UGGT1: variants seen among roughly 807,000 people sequenced by gnomAD.
UGGT1 encodes UDP-glucose:glycoprotein glucosyltransferase 1.
UGGT1 carries 107 observed loss-of-function variants against 203.9 expected under a neutral mutation model. That is an observed-to-expected ratio of 0.52 (90% CI 0.45 to 0.62). UGGT1 has a LOEUF of 0.62. Among genes scored for constraint, UGGT1 ranks in the 20% least tolerant of loss-of-function variants. The pLI, the probability that UGGT1 is intolerant of heterozygous loss-of-function variation, is 0.00. For missense variants in UGGT1, 1,673 were observed against 1,867.2 expected, an observed-to-expected ratio of 0.90 and a Z score of 1.92; for synonymous variants, 628 against 653.5, an observed-to-expected ratio of 0.96 and a Z score of 0.59.
At chr2:128,182,630 C>T (rs1023299267) in intron 37 of UGGT1, among the ~76,000 whole-genome samples, 7 of 143,376 alleles carry the variant, frequency 4.9e-5, no homozygotes, top group Non-Finnish European at 1.0e-4. Flanking sequence ...ACCCAGGAGG[C>T]GGAGGTTGCA....
At chr2:128,148,161 A>G (rs1689780971) in intron 18 of UGGT1, among the ~76,000 whole-genome samples, 1 of 152,116 alleles carries the variant, frequency 6.6e-6, no homozygotes, top group Non-Finnish European at 1.5e-5. Flanking sequence ...TCCTGGGTTC[A>G]AGTGATTCTC....
chr2:128,108,017 A>G lies in UGGT1; in HGVS notation c.357A>G (p.Lys119=). The stretch of plus-strand genomic sequence containing the variant: ...CACCCCTCCAGCAGAATTTGTTTAA[A>G]TTTTGTCTGTCCCTTCGTTCTTACT... ...FLSPLQQNLF[K]FCLSLRSYSA... Residue 119 remains lysine (K), a synonymous_variant, in exon 4 of 41, where the codon AAA becomes AAG. Transcript: ENST00000259253. The G allele has an allele frequency of 1.9e-6, 3 of 1,614,096 alleles. No individual in the cohort carries two copies. Among genetic ancestry groups the G allele is most frequent in the Non-Finnish European group, 2.5e-6 (3 of 1,180,004 alleles).
intron 7 of UGGT1, 111 bp from the exon 8 acceptor site, chr2:128,116,154 G>T (rs1688090830): frequency 1.5e-6 from 1 of 650,088 alleles, no homozygotes; most frequent in Non-Finnish European, 2.6e-6. Flanking sequence ...AATTTCAGGG[G>T]TTTCTGATTT....
chr2:128,186,067 C>G (rs1691967230), intron 38 of UGGT1, among the ~76,000 whole-genome samples: 1 of 152,158 alleles, frequency 6.6e-6, no homozygotes, highest in African/African-American at 2.4e-5. Context: ...TTTCAGAAGT[C>G]AGTAGGAGTA....
rs184033200 is a variant in UGGT1, at chr2:128,137,432, G to C, written c.1584-1285G>C. On this transcript the variant is annotated intron_variant, in intron 15 of 40. Transcript: ENST00000259253. ...CCCTGTTGAAAAACAAACAAGAAGA[G>C]TTGCATATTTTGTTTACCTGTCCTT... 8.2e-4 allele frequency among the ~76,000 whole-genome samples: 125 copies of C among 152,294 alleles called. 3 individuals are homozygous for C. Among genetic ancestry groups the C allele is most frequent in the Admixed American group, 6.9e-3 (105 of 15,296 alleles).
Position 128,189,892 on chromosome 2 carries a change from G to C in UGGT1, c.*150G>C. On this transcript the variant is annotated 3_prime_UTR_variant, in exon 41 of 41. Transcript: ENST00000259253. The stretch of plus-strand genomic sequence containing the variant: ...TTCTGAGCATTTGATTCTGACTTCT[G>C]TACTCTGGTGGCCACTGGATCTTTG... 1.3e-6 allele frequency: 1 copy of C among 797,314 alleles called. No homozygotes were observed. The highest frequency in any genetic ancestry group is 1.9e-5 in the South Asian group (1 of 51,744). 49.4% of individuals were successfully genotyped at this position (797,314 alleles called of 1,614,324 possible).
chr2:128,163,020 A>G (rs540546710), intron 25 of UGGT1, among the ~76,000 whole-genome samples: 3 of 152,188 alleles, frequency 2.0e-5, no homozygotes, highest in African/African-American at 7.2e-5. Context: ...CACAGCTATC[A>G]TTCATGACCC....
At chr2:128,170,546 A>G (rs1428812641) in intron 27 of UGGT1, among the ~76,000 whole-genome samples, 156 bp downstream of exon 27, 1 of 152,244 alleles carries the variant, frequency 6.6e-6, no homozygotes, top group African/African-American at 2.4e-5. Context: ...AAAGATTGAC[A>G]GTGGCTGTGA....
At chr2:128,114,114 AT>A (rs1454457103) in intron 6 of UGGT1, among the ~76,000 whole-genome samples, 1 of 152,008 alleles carries the variant, frequency 6.6e-6, no homozygotes, top group African/African-American at 2.4e-5. Context: ...ATAAAATTTT[AT>A]TTATTGATTT....
chr2:128,166,378 G>A (rs1573605006), intron 26 of UGGT1, among the ~76,000 whole-genome samples: 1 of 152,192 alleles, frequency 6.6e-6, no homozygotes, highest in South Asian at 2.1e-4. Flanking sequence ...TAACATGTCT[G>A]ACGTTTTCCG....
chr2:128,115,061 C>A, intron 6 of UGGT1, 63 bp from the exon 7 acceptor site: 1 of 1,441,060 alleles, frequency 6.9e-7, no homozygotes, highest in Non-Finnish European at 9.8e-7. Flanking sequence ...CATGGTCATG[C>A]CATGTACACT....
chr2:128,157,692 C>T (rs539614320), intron 22 of UGGT1, among the ~76,000 whole-genome samples: 2 of 152,252 alleles, frequency 1.3e-5, no homozygotes, highest in East Asian at 1.9e-4. Flanking sequence ...GTCCTTACCA[C>T]GACAGAGGTC....
intron 9 of UGGT1, 40 bp from the exon 10 acceptor site, chr2:128,121,159 T>G: frequency 6.3e-7 from 1 of 1,591,820 alleles, no homozygotes; most frequent in South Asian, 1.1e-5. Context: ...CTCATTGCAT[T>G]AGATTAATCC....
rs758185709 is a variant in UGGT1 at position 128,181,092 on chromosome 2, G to GT, written c.4083+24dup. The GT allele has an allele frequency of 1.3e-6, 2 of 1,587,864 alleles. No homozygotes were observed. The highest frequency in any genetic ancestry group is 1.7e-6 in the Non-Finnish European group (2 of 1,165,942). On this transcript the variant is annotated intron_variant, in intron 36 of 40. Coordinates refer to ENST00000259253, the MANE Select transcript of UGGT1 (RefSeq NM_020120.4). ...GATCAGGTAGGCCCTTAAAGGCCAA[G>GT]TTTTGACAGTTTGTATTAAAAGCAA...
In UGGT1 at chr2:128,105,487, C is replaced by T. The variant is rs1049214506; in HGVS notation, c.277+1473C>T. Among the ~76,000 whole-genome samples, 11 of 145,434 alleles carry T rather than the reference C, an allele frequency of 7.6e-5. No homozygotes were observed. In the East Asian group the frequency reaches 1.2e-3, roughly 16 times the overall value. On this transcript the variant is annotated intron_variant, in intron 3 of 40. Transcript: ENST00000259253. ...AGTGACTGCACCCAGCTAGATTTTA[C>T]TTTATTTTATTTTATTTTATTTTAT... is the stretch of plus-strand genomic sequence containing the variant.
intron 6 of UGGT1, among the ~76,000 whole-genome samples, chr2:128,113,476 A>G (rs565031444): frequency 1.3e-5 from 2 of 152,366 alleles, no homozygotes; most frequent in South Asian, 4.1e-4. Flanking sequence ...GTAGCTCGAT[A>G]AAGTTTACAT....
intron 16 of UGGT1, among the ~76,000 whole-genome samples, 194 bp from the exon 17 acceptor site, chr2:128,142,900 G>A (rs547184132): frequency 6.6e-6 from 1 of 150,702 alleles, no homozygotes; most frequent in East Asian, 2.0e-4. Flanking sequence ...AGATTCACAC[G>A]AATCCGGAAG....
Position 128,126,396 on chromosome 2 carries a change from A to G in UGGT1, c.1135-965A>G, listed in dbSNP as rs1573535753. Among the ~76,000 whole-genome samples, 3 of 151,614 alleles carry G rather than the reference A, an allele frequency of 2.0e-5. No homozygotes were observed. In the East Asian group the frequency reaches 5.8e-4, roughly 30 times the overall value. ...GCTAGAATTACAGGTACCTGCCACC[A>G]CGCCCAGCTAATTTTTTGTAATTTT... On this transcript the variant is annotated intron_variant, in intron 11 of 40. Transcript: ENST00000259253.
chr2:128,160,989 C>T, intron 24 of UGGT1, 149 bp from the exon 25 acceptor site: 2 of 870,512 alleles, frequency 2.3e-6, no homozygotes, highest in Non-Finnish European at 1.7e-6. Context: ...TGTATTATTT[C>T]ACTGATTTTA....
Sources: gnomAD v4.1 joint callset for allele counts (sites outside exome capture counted in the v4.1 genomes callset) on GRCh38, gnomAD v4.1.1 for gene constraint, MANE v1.5 for transcripts, NCBI Gene and HGNC (gene_info 2026-07-23, HGNC 2026-07-21) for gene names.